The following GMPR2 variants were observed in gnomAD, a reference collection of about 807,000 sequenced individuals.
The protein encoded by GMPR2 is GMP reductase 2.
GMPR2 carries 32 observed loss-of-function variants against 38.5 expected under a neutral mutation model. The observed-to-expected ratio is 0.83, with a 90% CI of 0.63 to 1.12. The LOEUF is 1.12. GMPR2 is among the 50% of genes most tolerant of loss of function. The pLI is 0.00. For synonymous variants in GMPR2, 154 were observed against 151.0 expected (o/e 1.02, Z -0.15); for missense variants, 396 against 432.1 (o/e 0.92, Z 0.74).
chr14:24,233,810 C>T lies in GMPR2; in HGVS notation c.207+212C>T, dbSNP rs562051625. On this transcript the variant is annotated intron_variant, in intron 3 of 9. Coordinates refer to ENST00000399440, the MANE Select transcript of GMPR2 (RefSeq NM_001002002.3). ...GTGAGATTCAAAGCTAAGTTCTGCT[C>T]CGATATTTCTGATATATGAACAGAA... 52 of 637,340 alleles carry T rather than the reference C, an allele frequency of 8.2e-5. No individual in the cohort carries two copies. The Admixed American group carries it at 1.1e-3, about 14-fold the overall frequency. 39.5% of individuals were successfully genotyped at this position (637,340 alleles called of 1,614,324 possible).
chr14:24,234,827 A>G (rs1256960629), intron 3 of GMPR2, among the ~76,000 whole-genome samples: 1 of 152,194 alleles, frequency 6.6e-6, no homozygotes, highest in African/African-American at 2.4e-5. Context: ...TATGTTGATG[A>G]TAGAGTTGTT....
In GMPR2 at chr14:24,236,100, TA is replaced by T. The variant is rs2040329636; in HGVS notation, c.429del (p.Asp144MetfsTer17). 4 of 1,614,150 alleles carry T rather than the reference TA, an allele frequency of 2.5e-6. No individual in the cohort carries two copies. Among genetic ancestry groups the T allele is most frequent in the Non-Finnish European group, 3.4e-6 (4 of 1,179,962 alleles). On this transcript the variant is annotated frameshift_variant, in exon 5 of 10. Transcript: ENST00000399440. LOFTEE classifies it high-confidence loss of function. ...TACTCTGAACACTTTGTTGAATTTG[TA>T]AAAGATGTACGGAAGCGCTTCCCCC... ...NGYSEHFVEF[V>X]KDVRKRFPQH...
intron 1 of GMPR2, 107 bp downstream of exon 1, chr14:24,233,084 C>G: frequency 9.2e-7 from 1 of 1,090,024 alleles, no homozygotes; most frequent in South Asian, 1.4e-5. Context: ...CGGGATGGGT[C>G]GAGGTGACAG....
Position 24,233,260 on chromosome 14 carries a change from CAT to C in GMPR2, c.10_11del (p.Ile4Ter). 1.2e-6 allele frequency: 2 copies of C among 1,614,116 alleles called. No individual in the cohort carries two copies. Among genetic ancestry groups the C allele is most frequent in the Non-Finnish European group, 1.7e-6 (2 of 1,179,992 alleles). Reference protein sequence around the residue: MPHIDNDVKLDFK... With the variant: MPXIDNDVKLDFK... ...TACCCCGAGGCTAAGCGCCATGCCT[CAT>C]ATTGACAACGATGTGAAACTGGACT... is the stretch of plus-strand genomic sequence containing the variant. On this transcript the variant is annotated frameshift_variant, in exon 2 of 10. Transcript: ENST00000399440. LOFTEE classifies it high-confidence loss of function.
intron 3 of GMPR2, among the ~76,000 whole-genome samples, chr14:24,235,010 G>A (rs1308960443): frequency 6.6e-6 from 1 of 152,232 alleles, no homozygotes; most frequent in African/African-American, 2.4e-5. Context: ...AGACATGTAA[G>A]GCACAAACAC....
chr14:24,234,292 C>G (rs2040232882), intron 3 of GMPR2: 2 of 1,203,856 alleles, frequency 1.7e-6, no homozygotes, highest in African/African-American at 1.6e-5. Context: ...GCTGGTTGAT[C>G]CATGTAGCCC....
Position 24,237,153 on chromosome 14 carries a change from G to A in GMPR2, c.547+1G>A. ...ATCATCAAAGTGGGAATTGGGCCAGGTAAGCTGGTTCATTGGGGCCACTGG... is the reference window on the plus strand; with the variant it reads ...ATCATCAAAGTGGGAATTGGGCCAGATAAGCTGGTTCATTGGGGCCACTGG... On this transcript the variant is annotated splice_donor_variant, in intron 6 of 9. Coordinates refer to ENST00000399440, the MANE Select transcript of GMPR2 (RefSeq NM_001002002.3). LOFTEE classifies it high-confidence loss of function. 6.2e-7 allele frequency: 1 copy of A among 1,601,514 alleles called. No individual in the cohort carries two copies.
intron 5 of GMPR2, 41 bp from the exon 6 acceptor site, chr14:24,237,030 T>C: frequency 1.4e-6 from 2 of 1,465,656 alleles, no homozygotes; most frequent in Non-Finnish European, 1.9e-6. Flanking sequence ...ACCTCCTGTT[T>C]CTGGCCCTAA....
At position 24,238,784 on chromosome 14, in the gene GMPR2, A is replaced by G; in HGVS notation, c.*6A>G. 1 of 1,610,126 alleles carries G rather than the reference A, an allele frequency of 6.2e-7. No homozygotes were observed. The highest frequency in any genetic ancestry group is 8.5e-7 in the Non-Finnish European group (1 of 1,178,976). ...TCTTCAGTGAGGCGTGCTAGACCTGAGCAGTTCTACCCTCCCAAGGCACCA... is the reference window on the plus strand; with the variant it reads ...TCTTCAGTGAGGCGTGCTAGACCTGGGCAGTTCTACCCTCCCAAGGCACCA... On this transcript the variant is annotated 3_prime_UTR_variant, in exon 10 of 10. Coordinates refer to ENST00000399440, the MANE Select transcript of GMPR2 (RefSeq NM_001002002.3).
intron 3 of GMPR2, chr14:24,233,831 C>A: frequency 1.6e-6 from 1 of 613,296 alleles, no homozygotes; most frequent in Non-Finnish European, 2.8e-6. Flanking sequence ...GATATATGAA[C>A]AGAATTTTCC....
In GMPR2 at chr14:24,238,703, C is replaced by G; in HGVS notation, c.972C>G (p.Leu324=). The stretch of plus-strand genomic sequence containing the variant: ...GTACCTATGTGGGAGCAGCTAAGCT[C>G]AAAGAGTTGAGCAGGAGAACTACCT... ...STCTYVGAAK[L]KELSRRTTFI... The change falls in exon 10 of 10, where the codon CTC becomes CTG. Residue 324 remains leucine (L), a synonymous_variant. Coordinates refer to ENST00000399440, the MANE Select transcript of GMPR2 (RefSeq NM_001002002.3). 2 of 1,613,954 alleles carry G rather than the reference C, an allele frequency of 1.2e-6. No homozygotes were observed. The highest frequency in any genetic ancestry group is 1.7e-6 in the Non-Finnish European group (2 of 1,179,940).
At chr14:24,232,868 A>G (rs2040109705), upstream of GMPR2, 1 of 325,404 alleles carries the variant, frequency 3.1e-6, no homozygotes, top group African/African-American at 2.1e-5. Flanking sequence ...CTATTCCGGA[A>G]ACTAGTTATG....
Position 24,236,026 on chromosome 14 carries a change from G to C in GMPR2, c.351G>C (p.Leu117=), listed in dbSNP as rs2040325854. The change falls in exon 5 of 10, where the codon CTG becomes CTC. Residue 117 remains leucine, a synonymous_variant. Coordinates refer to ENST00000399440, the MANE Select transcript of GMPR2 (RefSeq NM_001002002.3). ...SSDFEQLEQI[L]EAIPQVKYIC... Reference sequence around the variant, plus strand: ...ACTTTGAGCAGCTGGAACAGATCCTGGAAGCTATTCCCCAGGTGAAGTATA... The same window carrying C: ...ACTTTGAGCAGCTGGAACAGATCCTCGAAGCTATTCCCCAGGTGAAGTATA... 1.2e-6 allele frequency: 2 copies of C among 1,613,816 alleles called. No homozygotes were observed. The highest frequency in any genetic ancestry group is 1.7e-6 in the Non-Finnish European group (2 of 1,179,688).
At chr14:24,233,654 C>T in intron 3 of GMPR2, 56 bp downstream of exon 3, 1 of 1,590,100 alleles carries the variant, frequency 6.3e-7, no homozygotes, top group Non-Finnish European at 8.6e-7. Context: ...CAGCTGACTG[C>T]AGAGGTGTTT....
rs763799694 is a variant in GMPR2 at position 24,236,025 on chromosome 14, T to C, written c.350T>C (p.Leu117Pro). 1.8e-5 allele frequency: 29 copies of C among 1,613,902 alleles called. No individual in the cohort carries two copies. In the South Asian group the frequency reaches 2.7e-4, roughly 15 times the overall value. ...SSDFEQLEQI[L>P]EAIPQVKYIC... ...GACTTTGAGCAGCTGGAACAGATCC[T>C]GGAAGCTATTCCCCAGGTGAAGTAT... Residue 117 changes from leucine (L) to proline (P), a missense_variant, in exon 5 of 10, where the codon CTG (leucine) becomes CCG (proline). By Grantham distance (98) the Leu-to-Pro change is moderately conservative (BLOSUM62 -3). Transcript: ENST00000399440.
Position 24,238,781 on chromosome 14 carries a change from C to G in GMPR2, c.*3C>G. On this transcript the variant is annotated 3_prime_UTR_variant, in exon 10 of 10. Coordinates refer to ENST00000399440, the MANE Select transcript of GMPR2 (RefSeq NM_001002002.3). ...CAATCTTCAGTGAGGCGTGCTAGAC[C>G]TGAGCAGTTCTACCCTCCCAAGGCA... 6.2e-7 allele frequency: 1 copy of G among 1,610,362 alleles called. No homozygotes were observed. The highest frequency in any genetic ancestry group is 1.1e-5 in the South Asian group (1 of 90,942).
chr14:24,238,149 T>C, intron 8 of GMPR2, 97 bp from the exon 9 acceptor site: 2 of 1,107,766 alleles, frequency 1.8e-6, no homozygotes, highest in Non-Finnish European at 2.6e-6. Context: ...CTGGAATCAT[T>C]GTCAGGACTG....
intron 8 of GMPR2, 126 bp from the exon 9 acceptor site, chr14:24,238,119 GA>G: frequency 1.2e-6 from 1 of 825,176 alleles, no homozygotes; most frequent in Non-Finnish European, 1.9e-6. Flanking sequence ...GTCAGCTAGG[GA>G]AGCAGAAGGA....
chr14:24,233,431 A>C (rs2040161304), intron 2 of GMPR2, 48 bp from the exon 3 acceptor site: 8 of 1,608,576 alleles, frequency 5.0e-6, no homozygotes, highest in Non-Finnish European at 6.8e-6. Context: ...CTAATATGGT[A>C]CGTTTTTTGG....
Sources: allele counts gnomAD v4.1 joint callset (sites outside exome capture counted in the v4.1 genomes callset), GRCh38; gene constraint gnomAD v4.1.1; transcripts MANE v1.5; gene names NCBI Gene and HGNC (gene_info 2026-07-23, HGNC 2026-07-21).